KDM4A: variants seen among roughly 807,000 people sequenced by gnomAD.
KDM4A encodes lysine-specific demethylase 4A.
A neutral mutation model predicts 127.1 loss-of-function variants in KDM4A; 23 were observed. That is an observed-to-expected ratio of 0.18 (90% CI 0.13 to 0.26). The LOEUF is 0.26. Ranked by LOEUF, KDM4A falls within the 10% of genes least tolerant of loss-of-function variation. KDM4A has a pLI of 1.00. For synonymous variants in KDM4A, 443 were observed against 466.5 expected (o/e 0.95, Z 0.65); for missense variants, 890 against 1,329.1 (o/e 0.67, Z 5.14).
At position 43,655,571 on chromosome 1, in the gene KDM4A, G is replaced by T. The variant is rs958405271; in HGVS notation, c.139-20G>T. On this transcript the variant is annotated intron_variant, in intron 2 of 21. Coordinates refer to ENST00000372396, the MANE Select transcript of KDM4A (RefSeq NM_014663.3). The stretch of plus-strand genomic sequence containing the variant: ...TGCCAGGTTTCTCATCTGTCTTTTT[G>T]TTTCTTGTGTTCCCTTCAGGTTGTT... The T allele has an allele frequency of 1.3e-6, 2 of 1,581,744 alleles. No homozygotes were observed. Among genetic ancestry groups the T allele is most frequent in the Admixed American group, 1.8e-5 (1 of 55,792 alleles).
chr1:43,657,249 C>G, intron 3 of KDM4A, among the ~76,000 whole-genome samples: 1 of 151,816 alleles, frequency 6.6e-6, no homozygotes, highest in African/African-American at 2.4e-5. Flanking sequence ...TGTCGCCAGG[C>G]TAGAGTGCAG....
In KDM4A at chr1:43,704,103, A is replaced by G; in HGVS notation, c.3045A>G (p.Lys1015=). The change falls in exon 21 of 22, where the codon AAA becomes AAG. Residue 1015 remains lysine (K), a synonymous_variant. Transcript: ENST00000372396. ...ATGAAGAGCTTCCCAAGAGAGTCAA[A>G]TCTAGACTGGTGAGTATTTTCTGTG... ...TLDEELPKRV[K]SRLSVASDMR... is the part of the protein sequence containing the mutation. 2.5e-6 allele frequency: 4 copies of G among 1,614,058 alleles called. No homozygotes were observed. The highest frequency in any genetic ancestry group is 3.4e-6 in the Non-Finnish European group (4 of 1,179,922).
intron 18 of KDM4A, 132 bp downstream of exon 18, chr1:43,695,026 A>C: frequency 1.1e-6 from 1 of 904,574 alleles, no homozygotes; most frequent in Non-Finnish European, 1.6e-6. Context: ...ATGAGTTAAG[A>C]GATTGAGAGG....
intron 12 of KDM4A, among the ~76,000 whole-genome samples, chr1:43,685,222 C>T (rs1343478188): frequency 1.3e-5 from 2 of 152,136 alleles, no homozygotes; most frequent in Non-Finnish European, 1.5e-5. Flanking sequence ...AAATGTGGCA[C>T]TGAAGCTCAG....
At chr1:43,662,742 A>G (rs1400376870) in intron 4 of KDM4A, 152 bp from the exon 5 acceptor site, 5 of 578,920 alleles carry the variant, frequency 8.6e-6, no homozygotes, top group Admixed American at 3.7e-5. Context: ...GTCAATGAGG[A>G]ATGCTATGGT....
At chr1:43,698,955 AT>A (rs1661312247) in intron 19 of KDM4A, among the ~76,000 whole-genome samples, 1 of 151,974 alleles carries the variant, frequency 6.6e-6, no homozygotes, top group Admixed American at 6.6e-5. Flanking sequence ...CAGCCGGCTA[AT>A]TTTTTAATTT....
At chr1:43,683,219 C>A (rs548418320) in intron 11 of KDM4A, among the ~76,000 whole-genome samples, 1 of 152,240 alleles carries the variant, frequency 6.6e-6, no homozygotes, top group East Asian at 1.9e-4. Flanking sequence ...AGCTGCTGCT[C>A]ACCCCTTTGG....
At chr1:43,700,063 A>G (rs1661348933) in intron 19 of KDM4A, 1 of 151,670 alleles carries the variant, frequency 6.6e-6, no homozygotes, top group South Asian at 2.1e-4. Flanking sequence ...ATTGTGATAC[A>G]CTGTTTAGGT....
chr1:43,683,773 A>G lies in KDM4A; in HGVS notation c.1824A>G (p.Pro608=). The part of the protein sequence containing the change: ...QPLSKLPRHH[P]LVLQECVSDD... Reference sequence around the variant, plus strand: ...TAAGCAAGCTCCCCCGCCATCACCCACTTGTGCTGCAGGAGTGTGTCAGTG... The same window carrying G: ...TAAGCAAGCTCCCCCGCCATCACCCGCTTGTGCTGCAGGAGTGTGTCAGTG... The change falls in exon 12 of 22, where the codon CCA becomes CCG. Residue 608 remains proline (P), a synonymous_variant. Coordinates refer to ENST00000372396, the MANE Select transcript of KDM4A (RefSeq NM_014663.3). 4 of 1,614,016 alleles carry G rather than the reference A, an allele frequency of 2.5e-6. No individual in the cohort carries two copies. The highest frequency in any genetic ancestry group is 3.4e-6 in the Non-Finnish European group (4 of 1,179,994).
intron 19 of KDM4A, among the ~76,000 whole-genome samples, chr1:43,701,128 C>A (rs1661380350): frequency 6.6e-6 from 1 of 151,754 alleles, no homozygotes; most frequent in Non-Finnish European, 1.5e-5. Flanking sequence ...CCCATGTTGT[C>A]CAGGATGGAC....
intron 11 of KDM4A, among the ~76,000 whole-genome samples, chr1:43,676,054 C>A (rs1570843269): frequency 7.0e-6 from 1 of 142,782 alleles, no homozygotes; most frequent in Non-Finnish European, 1.5e-5. Context: ...GCACTCCAGT[C>A]TGGGCAAAAG....
intron 14 of KDM4A, 43 bp downstream of exon 14, chr1:43,691,092 T>A: frequency 6.3e-7 from 1 of 1,596,314 alleles, no homozygotes; most frequent in Non-Finnish European, 8.6e-7. Context: ...CCCAGGAGTA[T>A]GGGCCTGCTC....
chr1:43,666,244 A>G, intron 6 of KDM4A: 1 of 524,194 alleles, frequency 1.9e-6, no homozygotes, highest in Non-Finnish European at 3.3e-6. Context: ...ACAGGATTTC[A>G]TTACCCACGT....
rs1208380590 is a variant in KDM4A at position 43,676,388 on chromosome 1, C to G, written c.1734+4513C>G. 2.6e-5 allele frequency among the ~76,000 whole-genome samples: 4 copies of G among 152,150 alleles called. No individual in the cohort carries two copies. In the East Asian group the frequency reaches 7.7e-4, roughly 29 times the overall value. The stretch of plus-strand genomic sequence containing the variant: ...CCAGGCTGGAGTGCAGTGGCATGAT[C>G]TCGGCTCACTGCAACCTCCACCTCC... On this transcript the variant is annotated intron_variant, in intron 11 of 21. Coordinates refer to ENST00000372396, the MANE Select transcript of KDM4A (RefSeq NM_014663.3).
chr1:43,668,916 T>C (rs1468243104), intron 9 of KDM4A, among the ~76,000 whole-genome samples, 184 bp from the exon 10 acceptor site: 1 of 152,204 alleles, frequency 6.6e-6, no homozygotes, highest in Non-Finnish European at 1.5e-5. Context: ...TTCCAGATGA[T>C]TGAACAAGGT....
At position 43,704,369 on chromosome 1, in the gene KDM4A, A is replaced by G; in HGVS notation, c.3194A>G (p.Ter1065TrpextTer35). Residue 1065 changes from the stop codon to tryptophan, a stop_lost, in exon 22 of 22, where the codon TAG becomes TGG. Coordinates refer to ENST00000372396, the MANE Select transcript of KDM4A (RefSeq NM_014663.3). ...EPALYRAIME[*>W] ...GCACTATACCGGGCCATCATGGAGT[A>G]GGTGCTTCCAGGGTCCAAGGGATTC... The G allele has an allele frequency of 6.2e-7, 1 of 1,612,956 alleles. No individual in the cohort carries two copies. Among genetic ancestry groups the G allele is most frequent in the Non-Finnish European group, 8.5e-7 (1 of 1,179,604 alleles).
chr1:43,696,695 T>C (rs993682259), intron 18 of KDM4A, among the ~76,000 whole-genome samples: 2 of 152,190 alleles, frequency 1.3e-5, no homozygotes, highest in African/African-American at 4.8e-5. Context: ...ACAGCTATGA[T>C]AGGGAAGAGT....
At chr1:43,652,679 C>CTTTTTTTTTTTTTTTT (rs771216218) in intron 1 of KDM4A, among the ~76,000 whole-genome samples, 2 of 118,770 alleles carry the variant, frequency 1.7e-5, no homozygotes, top group African/African-American at 3.1e-5. Flanking sequence ...TTCTTTCTTT[C>CTTTTTTTTTTTTTTTT]TTTTTTTTTT....
intron 10 of KDM4A, among the ~76,000 whole-genome samples, chr1:43,670,055 G>T (rs1489961581): frequency 5.3e-5 from 8 of 152,232 alleles, no homozygotes; most frequent in African/African-American, 1.4e-4. Flanking sequence ...TGACCAGAAG[G>T]TGACGCTGGA....
Sources: allele counts gnomAD v4.1 joint callset (sites outside exome capture counted in the v4.1 genomes callset), GRCh38; gene constraint gnomAD v4.1.1; transcripts MANE v1.5; gene names NCBI Gene and HGNC (gene_info 2026-07-23, HGNC 2026-07-21).